Variants in DRC10 observed in about 807,000 individuals in gnomAD.
DRC10 encodes the protein IQ domain-containing protein D.
At chr12:113,195,487 A>C in the DRC10 span, 1 of 1,461,140 alleles carries the variant, frequency 6.8e-7, no homozygotes, top group Non-Finnish European at 9.1e-7. Flanking sequence ...TAAAAACATG[A>C]AAGCCGTGAA....
chr12:113,200,806 T>G, the DRC10 span: 2 of 1,529,610 alleles, frequency 1.3e-6, no homozygotes, highest in Non-Finnish European at 1.8e-6. Flanking sequence ...AAAGTTCTCC[T>G]TTTCCACCTA....
chr12:113,200,866 C>T, the DRC10 span: 1 of 1,340,010 alleles, frequency 7.5e-7, no homozygotes, highest in Non-Finnish European at 1.0e-6. Context: ...CAGCCGGGCA[C>T]AGTGGCTCAC....
chr12:113,196,904 A>C, the DRC10 span, among the ~76,000 whole-genome samples: 3 of 152,376 alleles, frequency 2.0e-5, no homozygotes, highest in Admixed American at 2.0e-4. Flanking sequence ...CCATGGTCCC[A>C]AAATGGGAAT....
At chr12:113,198,781 T>G in the DRC10 span, among the ~76,000 whole-genome samples, 1 of 152,294 alleles carries the variant, frequency 6.6e-6, no homozygotes, top group East Asian at 1.9e-4. Context: ...GGTTTTATGT[T>G]ATGTAAGTTT....
At chr12:113,216,273 C>G in the DRC10 span, among the ~76,000 whole-genome samples, 1 of 152,174 alleles carries the variant, frequency 6.6e-6, no homozygotes, top group South Asian at 2.1e-4. Flanking sequence ...AGAAGCCAAT[C>G]TGAAGAAGCT....
At chr12:113,211,878 CAACAAA>C in the DRC10 span, among the ~76,000 whole-genome samples, 1 of 151,656 alleles carries the variant, frequency 6.6e-6, no homozygotes, top group Admixed American at 6.6e-5. Flanking sequence ...TCAGCATGGG[CAACAAA>C]ATGAGACCTC....
At chr12:113,197,435 A>C in the DRC10 span, 1 of 741,822 alleles carries the variant, frequency 1.3e-6, no homozygotes, top group Non-Finnish European at 2.3e-6. Flanking sequence ...GAGGCTCAGA[A>C]GTTTGCCCAC....
the DRC10 span, among the ~76,000 whole-genome samples, chr12:113,211,281 C>G: frequency 6.6e-6 from 1 of 152,138 alleles, no homozygotes; most frequent in Non-Finnish European, 1.5e-5. Flanking sequence ...GATATAGGGT[C>G]TTGCTATGTT....
the DRC10 span, among the ~76,000 whole-genome samples, chr12:113,212,559 G>A: frequency 6.6e-6 from 1 of 152,210 alleles, no homozygotes; most frequent in Non-Finnish European, 1.5e-5. Flanking sequence ...TCTTCAGAGA[G>A]TGCGGCTGGA....
chr12:113,205,247 C>T, the DRC10 span, among the ~76,000 whole-genome samples: 2 of 151,472 alleles, frequency 1.3e-5, no homozygotes, highest in African/African-American at 2.4e-5. Flanking sequence ...AAAAAAGCTA[C>T]TTAGGCCAGG....
chr12:113,205,146 G>T, the DRC10 span, among the ~76,000 whole-genome samples: 1 of 151,946 alleles, frequency 6.6e-6, no homozygotes, highest in African/African-American at 2.4e-5. Flanking sequence ...TGAACTCCAT[G>T]AGGCTGGAAC....
chr12:113,200,922 T>C, the DRC10 span: 1 of 750,110 alleles, frequency 1.3e-6, no homozygotes, highest in Non-Finnish European at 2.1e-6. Context: ...GTGGGTCACC[T>C]GAGGTCAGGA....
the DRC10 span, chr12:113,197,752 C>G: frequency 1.1e-5 from 7 of 649,780 alleles, no homozygotes; most frequent in Admixed American, 1.6e-4. Context: ...TTCTCCATTT[C>G]ACAGGGGAGA....
At chr12:113,219,650 T>A in the DRC10 span, among the ~76,000 whole-genome samples, 1 of 152,152 alleles carries the variant, frequency 6.6e-6, no homozygotes, top group African/African-American at 2.4e-5. Flanking sequence ...TATGAAAATA[T>A]CTTTTGAACC....
At chr12:113,207,397 G>T in the DRC10 span, 2 of 1,497,630 alleles carry the variant, frequency 1.3e-6, no homozygotes, top group Non-Finnish European at 9.3e-7. Context: ...AAAGATTTGT[G>T]TGGCTTCTTC....
the DRC10 span, chr12:113,208,126 G>T: frequency 6.2e-7 from 1 of 1,614,136 alleles, no homozygotes; most frequent in South Asian, 1.1e-5. Flanking sequence ...GATGGCAGGG[G>T]CCTGATACAA....
chr12:113,207,677 G>C, the DRC10 span: 3 of 1,614,066 alleles, frequency 1.9e-6, no homozygotes, highest in Non-Finnish European at 2.5e-6. Context: ...CTAGCAGCCT[G>C]GGGGTTGCTG....
At chr12:113,207,432 C>T in the DRC10 span, 1 of 1,604,190 alleles carries the variant, frequency 6.2e-7, no homozygotes, top group East Asian at 2.2e-5. Flanking sequence ...TACTATGAAA[C>T]AATACCTCTG....
chr12:113,208,469 CAT>C, the DRC10 span: 16 of 616,070 alleles, frequency 2.6e-5, no homozygotes, highest in East Asian at 9.0e-4. Flanking sequence ...ATCTCAGGCA[CAT>C]GTGTCAGGCG....
Sources: allele counts gnomAD v4.1 joint callset (sites outside exome capture counted in the v4.1 genomes callset), GRCh38; gene constraint gnomAD v4.1.1; transcripts MANE v1.5; gene names NCBI Gene and HGNC (gene_info 2026-07-23, HGNC 2026-07-21).